The following PSRC1 variants were observed in gnomAD, a reference collection of about 807,000 sequenced individuals.
PSRC1 encodes proline and serine rich coiled-coil 1, also known as proline/serine-rich coiled-coil protein 1.
PSRC1 carries 30 observed loss-of-function variants against 31.9 expected under a neutral mutation model. That is an observed-to-expected ratio of 0.94 (90% CI 0.70 to 1.28). The LOEUF (loss-of-function observed/expected upper bound fraction) is 1.28, where lower values mean the gene tolerates loss of function less well. Among genes scored for constraint, PSRC1 ranks in the 50% most tolerant of loss-of-function variants. The pLI is 0.00. For synonymous variants in PSRC1, 191 were observed against 192.1 expected, an observed-to-expected ratio of 0.99 and a Z score of 0.05; for missense variants, 481 against 472.8, an observed-to-expected ratio of 1.02 and a Z score of -0.16.
Position 109,280,322 on chromosome 1 carries a change from T to C in PSRC1, c.1088+74A>G. The C allele has an allele frequency of 2.8e-6, 4 of 1,446,534 alleles. 1 individual carries two copies. In the South Asian group the frequency reaches 4.8e-5, roughly 17 times the overall value. The allele number at this position is 1,446,534 out of a possible 1,614,324, so 89.6% of individuals were successfully genotyped here. ...CTTTCCATACAAAATTCAGGGCTGA[T>C]GTGCATAACAGCTTGGAATCCCAGA... On this transcript the variant is annotated intron_variant, in intron 6 of 6. Transcript: ENST00000409138.
At position 109,280,382 on chromosome 1, in the gene PSRC1, A is replaced by C; in HGVS notation, c.1088+14T>G. ...GGTAGGGAGACAGGATGGGCAAGGG[A>C]GGACCAGACTGACCTGGTAGGTCCT... On this transcript the variant is annotated intron_variant, in intron 6 of 6. Coordinates refer to ENST00000409138, the Ensembl canonical transcript of PSRC1. The C allele has an allele frequency of 6.3e-7, 1 of 1,591,928 alleles. No homozygotes were observed. Among genetic ancestry groups the C allele is most frequent in the South Asian group, 1.1e-5 (1 of 89,106 alleles).
chr1:109,281,694 G>A (rs989994372), exon 4 of PSRC1: 2 of 1,614,040 alleles, frequency 1.2e-6, no homozygotes, highest in Non-Finnish European at 1.7e-6. Context: ...CATTACTCCG[G>A]AGTCGAGGCG....
chr1:109,280,110 G>A (rs111821813), exon 7 of PSRC1: 472 of 1,613,934 alleles, frequency 2.9e-4, no homozygotes, highest in Non-Finnish European at 3.7e-4. Context: ...GGTACTGACT[G>A]TAGTGGTTTG....
intron 4 of PSRC1, 52 bp downstream of exon 4, chr1:109,281,567 A>C: frequency 6.8e-7 from 1 of 1,464,414 alleles, no homozygotes; most frequent in Non-Finnish European, 9.4e-7. Flanking sequence ...TCCCTGCATC[A>C]TGGCACACAC....
At chr1:109,282,084 A>T (rs763652420) in intron 3 of PSRC1, 24 bp from the exon 4 acceptor site, 3 of 1,466,056 alleles carry the variant, frequency 2.0e-6, no homozygotes, top group Non-Finnish European at 2.7e-6. Context: ...CAAACCAGGC[A>T]TCATGCCCAT....
chr1:109,282,261 A>T (rs1045857750), intron 3 of PSRC1: 8 of 616,422 alleles, frequency 1.3e-5, no homozygotes, highest in South Asian at 1.2e-4. Context: ...ATTTACGGAC[A>T]TCAGAAATGA....
chr1:109,279,792 C>A (rs1323158359), exon 7 of PSRC1: 2 of 296,162 alleles, frequency 6.8e-6, no homozygotes, highest in Non-Finnish European at 1.3e-5. Flanking sequence ...GTGGAAATGT[C>A]CAGTGAACCA....
At chr1:109,279,958 TAA>T in exon 7 of PSRC1, 1 of 696,890 alleles carries the variant, frequency 1.4e-6, no homozygotes, top group Non-Finnish European at 2.6e-6. Context: ...CCAGAGAGTT[TAA>T]GTCTTCTCCA....
exon 4 of PSRC1, chr1:109,281,740 G>C: frequency 2.5e-6 from 4 of 1,614,064 alleles, no homozygotes; most frequent in Non-Finnish European, 2.5e-6. Flanking sequence ...CCGCGTCAAA[G>C]AGTTCACAGT....
exon 4 of PSRC1, chr1:109,281,816 C>T (rs1347205966): frequency 1.2e-6 from 2 of 1,614,054 alleles, no homozygotes; most frequent in Non-Finnish European, 1.7e-6. Context: ...CTGGGCTTCA[C>T]TCGGCGAGGC....
At chr1:109,279,999 TG>T in exon 7 of PSRC1, 1 of 905,580 alleles carries the variant, frequency 1.1e-6, no homozygotes. Flanking sequence ...CCATTTCCCA[TG>T]GTCTCTACTC....
At position 109,280,758 on chromosome 1, in the gene PSRC1, C is replaced by A; in HGVS notation, c.994+19G>T. The A allele has an allele frequency of 6.5e-7, 1 of 1,538,732 alleles. No individual in the cohort carries two copies. Among genetic ancestry groups the A allele is most frequent in the Non-Finnish European group, 8.8e-7 (1 of 1,136,610 alleles). On this transcript the variant is annotated intron_variant, in intron 5 of 6. Transcript: ENST00000409138. ...GACACGCTGGGCAAGGGCGGGCATT[C>A]TTCCTCCTGACCTCTTACCCTTGTG...
exon 5 of PSRC1, chr1:109,280,864 C>T (rs1656954892): frequency 1.9e-6 from 3 of 1,613,528 alleles, no homozygotes; most frequent in Non-Finnish European, 1.7e-6. Context: ...GGAGGTAGGG[C>T]ACCTCTGCCA....
At chr1:109,280,130 TCTTG>T in exon 7 of PSRC1, 1 of 1,614,104 alleles carries the variant, frequency 6.2e-7, no homozygotes, top group Non-Finnish European at 8.5e-7. Flanking sequence ...GCTACTGAAG[TCTTG>T]CTTGCTGTCC....
exon 7 of PSRC1, chr1:109,280,109 T>G (rs1330179693): frequency 4.3e-6 from 7 of 1,613,910 alleles, no homozygotes; most frequent in Non-Finnish European, 5.9e-6. Flanking sequence ...AGGTACTGAC[T>G]GTAGTGGTTT....
At chr1:109,281,153 A>G (rs746035630) in exon 5 of PSRC1, 9 of 1,613,210 alleles carry the variant, frequency 5.6e-6, no homozygotes, top group South Asian at 1.1e-5. Context: ...CTGCTCTCCC[A>G]CTGGGCCCGG....
At chr1:109,280,197 T>C (rs745884695) in intron 6 of PSRC1, 41 bp from the exon 8 acceptor site, 52 of 1,609,826 alleles carry the variant, frequency 3.2e-5, no homozygotes, top group East Asian at 1.8e-4. Flanking sequence ...AATGCCCTTC[T>C]TCCTCAAGCC....
intron 3 of PSRC1, 83 bp downstream of exon 3, chr1:109,282,435 C>A: frequency 1.4e-6 from 2 of 1,390,278 alleles, no homozygotes; most frequent in South Asian, 1.2e-5. Context: ...AAGTTACCAA[C>A]CCAAGCCAAT....
chr1:109,281,396 C>T, intron 4 of PSRC1, 145 bp from the exon 5 acceptor site: 1 of 752,122 alleles, frequency 1.3e-6, no homozygotes, highest in Non-Finnish European at 2.1e-6. Flanking sequence ...ACCACATCAC[C>T]ATCACCATCA....
Sources: allele counts gnomAD v4.1 joint callset, GRCh38; gene constraint gnomAD v4.1.1; transcripts MANE v1.5; gene names NCBI Gene and HGNC (gene_info 2026-07-23, HGNC 2026-07-21).